The following DZIP3 variants were observed in gnomAD, a reference collection of about 807,000 sequenced individuals.
DZIP3 encodes E3 ubiquitin-protein ligase DZIP3.
Under a neutral mutation model 162.0 loss-of-function variants are expected in DZIP3, and 118 were observed. The observed-to-expected ratio is 0.73, with a 90% CI of 0.63 to 0.85. The LOEUF (loss-of-function observed/expected upper bound fraction) is 0.85, where lower values mean the gene tolerates loss of function less well. Ranked by LOEUF, DZIP3 falls within the 40% of genes least tolerant of loss-of-function variation. The pLI, the probability that DZIP3 is intolerant of heterozygous loss-of-function variation, is 0.00. For missense variants in DZIP3, 1,331 were observed against 1,407.0 expected (o/e 0.95, Z 0.86); for synonymous variants, 438 against 458.6 (o/e 0.96, Z 0.57).
At chr3:108,665,565 TACTG>T (rs1358450733) in intron 21 of DZIP3, among the ~76,000 whole-genome samples, 3 of 152,126 alleles carry the variant, frequency 2.0e-5, no homozygotes, top group Admixed American at 2.0e-4. Flanking sequence ...TTCAAAGAAA[TACTG>T]AAATTTCCCC....
chr3:108,605,549 C>A, intron 2 of DZIP3, 111 bp downstream of exon 2: 1 of 1,029,402 alleles, frequency 9.7e-7, no homozygotes, highest in Admixed American at 2.3e-5. Context: ...AACTGTTCGA[C>A]TTCAGATCAT....
At chr3:108,645,606 C>T (rs1201570633) in intron 14 of DZIP3, among the ~76,000 whole-genome samples, 1 of 152,150 alleles carries the variant, frequency 6.6e-6, no homozygotes, top group Admixed American at 6.6e-5. Context: ...CTGTGCTATT[C>T]AGGATGACTT....
chr3:108,597,090 T>C (rs951059716), intron 1 of DZIP3, among the ~76,000 whole-genome samples: 1 of 152,226 alleles, frequency 6.6e-6, no homozygotes, highest in African/African-American at 2.4e-5. Context: ...TTTTCAGAAA[T>C]GTTACCTTTG....
At chr3:108,638,898 C>T (rs1942271345) in intron 12 of DZIP3, among the ~76,000 whole-genome samples, 2 of 152,304 alleles carry the variant, frequency 1.3e-5, no homozygotes, top group African/African-American at 4.8e-5. Context: ...TTCACTTAAC[C>T]TTGTACACAG....
intron 21 of DZIP3, among the ~76,000 whole-genome samples, chr3:108,666,970 A>G (rs1398902798): frequency 6.6e-6 from 1 of 152,122 alleles, no homozygotes; most frequent in African/African-American, 2.4e-5. Flanking sequence ...AAGATCCCAG[A>G]AAAAGAAAAT....
intron 31 of DZIP3, among the ~76,000 whole-genome samples, chr3:108,690,309 A>C (rs1944645692): frequency 1.3e-5 from 2 of 152,228 alleles, no homozygotes; most frequent in South Asian, 4.1e-4. Context: ...GATAGTTCAT[A>C]GCCGAAAATT....
At chr3:108,660,194 C>A (rs1342384149) in intron 19 of DZIP3, among the ~76,000 whole-genome samples, 8 of 152,096 alleles carry the variant, frequency 5.3e-5, no homozygotes, top group Non-Finnish European at 1.0e-4. Context: ...AATCCTAAGG[C>A]ACAAGAACAA....
intron 19 of DZIP3, among the ~76,000 whole-genome samples, chr3:108,654,631 C>G (rs905724071): frequency 1.3e-5 from 2 of 152,066 alleles, no homozygotes; most frequent in Admixed American, 6.5e-5. Context: ...CATAATCCTA[C>G]TAGATTACAT....
intron 1 of DZIP3, among the ~76,000 whole-genome samples, chr3:108,593,885 G>A (rs926406468): frequency 1.3e-5 from 2 of 151,744 alleles, no homozygotes; most frequent in East Asian, 1.9e-4. Context: ...CGCTGGTCTC[G>A]AACTCCTGGT....
intron 1 of DZIP3, among the ~76,000 whole-genome samples, chr3:108,603,545 CTG>C (rs1307500044): frequency 2.4e-4 from 36 of 152,268 alleles, no homozygotes; most frequent in African/African-American, 7.0e-4. Context: ...TCTAGGAAAA[CTG>C]TATTCATTCT....
At chr3:108,661,551 G>A (rs977434901) in intron 19 of DZIP3, among the ~76,000 whole-genome samples, 3 of 151,940 alleles carry the variant, frequency 2.0e-5, no homozygotes, top group Non-Finnish European at 2.9e-5. Flanking sequence ...CGAGTTAATG[G>A]GTGCAGCACA....
In DZIP3 at chr3:108,688,670, C is replaced by G. The variant is rs748935812; in HGVS notation, c.3348C>G (p.Pro1116=). ...CATCACAGCCTGATGCTGCCCAGCC[C>G]CCAAAACCAGCCTGGAGGCCACTCA... The part of the protein sequence containing the change: ...HSPSQPDAAQ[P]PKPAWRPLTS... The change falls in exon 30 of 33, where the codon CCC becomes CCG. Residue 1116 remains proline (P), a synonymous_variant. Coordinates refer to ENST00000361582, the MANE Select transcript of DZIP3 (RefSeq NM_014648.4). The G allele has an allele frequency of 6.2e-7, 1 of 1,614,144 alleles. No homozygotes were observed. The highest frequency in any genetic ancestry group is 1.7e-5 in the Admixed American group (1 of 60,024).
At chr3:108,607,127 C>T (rs894872992) in intron 2 of DZIP3, among the ~76,000 whole-genome samples, 1 of 152,022 alleles carries the variant, frequency 6.6e-6, no homozygotes, top group Non-Finnish European at 1.5e-5. Context: ...TTCTTTTTAC[C>T]GTGGCACCTT....
chr3:108,668,576 C>G (rs147023598), intron 21 of DZIP3, among the ~76,000 whole-genome samples: 392 of 152,028 alleles, frequency 2.6e-3, no homozygotes, highest in Non-Finnish European at 4.6e-3. Context: ...GGCAGTCTTA[C>G]AAATTTTACT....
rs1287034220 is a variant in DZIP3 at position 108,661,902 on chromosome 3, A to T, written c.2225A>T (p.Asp742Val). The T allele has an allele frequency of 3.7e-6, 6 of 1,613,844 alleles. No individual in the cohort carries two copies. The highest frequency in any genetic ancestry group is 1.3e-5 in the African/African-American group (1 of 74,908). Residue 742 changes from aspartate (D) to valine (V), a missense_variant, in exon 20 of 33, where the codon GAC becomes GTC. Around this residue, in one of 2 missense-constraint regions of DZIP3, gnomAD observed 1,278 missense variants for 1,317.1 expected, o/e 0.97. Transcript: ENST00000361582. The stretch of plus-strand genomic sequence containing the variant: ...GGCTCAGCTGGCAAAGTAACTACAG[A>T]CTATGGAGAAACTGAAAAGGAAAGG... Reference protein sequence around the residue: ...EQGSAGKVTTDYGETEKERLA... With the variant: ...EQGSAGKVTTVYGETEKERLA...
At chr3:108,648,177 G>A in intron 16 of DZIP3, 65 bp downstream of exon 16, 4 of 1,441,240 alleles carry the variant, frequency 2.8e-6, no homozygotes, top group Non-Finnish European at 3.7e-6. Flanking sequence ...TGTTGCATGT[G>A]CTGTACTTAA....
intron 5 of DZIP3, among the ~76,000 whole-genome samples, chr3:108,618,677 A>G (rs1051714314): frequency 1.6e-4 from 24 of 152,176 alleles, no homozygotes; most frequent in African/African-American, 5.6e-4. Context: ...TTTGAAGCCA[A>G]ATTTATAATC....
At chr3:108,690,415 G>C (rs1437943730) in intron 31 of DZIP3, among the ~76,000 whole-genome samples, 2 of 152,134 alleles carry the variant, frequency 1.3e-5, no homozygotes. Flanking sequence ...CCAGGTACTA[G>C]TGACTTTTGT....
At chr3:108,627,062 G>A (rs534406997) in intron 7 of DZIP3, among the ~76,000 whole-genome samples, 1 of 152,308 alleles carries the variant, frequency 6.6e-6, no homozygotes, top group African/African-American at 2.4e-5. Context: ...CTTGTTCACT[G>A]GGTCTGAGCA....
Sources: allele counts gnomAD v4.1 joint callset (sites outside exome capture counted in the v4.1 genomes callset), GRCh38; gene constraint gnomAD v4.1.1; regional missense constraint gnomAD v4.1.1; transcripts MANE v1.5; gene names NCBI Gene and HGNC (gene_info 2026-07-23, HGNC 2026-07-21).